Variants in TECR observed in about 807,000 individuals in gnomAD.
TECR encodes very-long-chain enoyl-CoA reductase.
Under a neutral mutation model 50.6 loss-of-function variants are expected in TECR, and 19 were observed. The observed-to-expected ratio is 0.38, with a 90% CI of 0.26 to 0.55. TECR has a LOEUF of 0.55. TECR is among the 20% of genes least tolerant of loss of function. TECR has a pLI of 0.79. For synonymous variants in TECR, 168 were observed against 163.5 expected (o/e 1.03, Z -0.21); for missense variants, 313 against 408.3 (o/e 0.77, Z 2.01).
chr19:14,565,519 CAGAA>C, intron 11 of TECR, 95 bp from the exon 12 acceptor site: 1 of 1,527,816 alleles, frequency 6.5e-7, no homozygotes, highest in South Asian at 1.2e-5. Flanking sequence ...ATCCCTGACT[CAGAA>C]AGCAGGGGCG....
chr19:14,537,202 G>A (rs1365358071), intron 1 of TECR, among the ~76,000 whole-genome samples: 1 of 130,594 alleles, frequency 7.7e-6, no homozygotes, highest in African/African-American at 2.9e-5. Flanking sequence ...GGGGGAGGAG[G>A]TGGGGCTCAG....
At chr19:14,529,912 A>C (rs2072558335) in intron 1 of TECR, 2 of 740,500 alleles carry the variant, frequency 2.7e-6, no homozygotes, top group South Asian at 3.5e-5. Context: ...TAAATCTGCA[A>C]CCCAGGCTGT....
At chr19:14,530,807 CTA>C (rs2072614671) in intron 1 of TECR, 1 of 152,194 alleles carries the variant, frequency 6.6e-6, no homozygotes, top group Admixed American at 6.6e-5. Context: ...ACCATCTTGA[CTA>C]TTTTTAAGTG....
chr19:14,556,115 T>A (rs2146614246), intron 1 of TECR, among the ~76,000 whole-genome samples: 1 of 152,202 alleles, frequency 6.6e-6, no homozygotes, highest in South Asian at 2.1e-4. Context: ...GACCGCCACA[T>A]CACCTTTCTG....
At chr19:14,553,330 CAGCACAGGTAGAAGACAGG>C (rs2073604884) in intron 1 of TECR, among the ~76,000 whole-genome samples, 1 of 152,148 alleles carries the variant, frequency 6.6e-6, no homozygotes, top group Non-Finnish European at 1.5e-5. Flanking sequence ...CTCGTCTTGC[CAGCACAGGTAGAAGACAGG>C]AGCAGAGCGG....
chr19:14,530,499 C>T (rs922218823), intron 1 of TECR: 1 of 152,140 alleles, frequency 6.6e-6, no homozygotes, highest in African/African-American at 2.4e-5. Context: ...TATTAAAATT[C>T]AAAATAACAA....
chr19:14,541,725 A>T (rs1200286552), intron 1 of TECR, among the ~76,000 whole-genome samples: 1 of 151,730 alleles, frequency 6.6e-6, no homozygotes, highest in African/African-American at 2.4e-5. Context: ...ACGTTGAGGG[A>T]TGAGGCTGAC....
chr19:14,534,742 G>C (rs1484491851), intron 1 of TECR, among the ~76,000 whole-genome samples: 2 of 152,038 alleles, frequency 1.3e-5, no homozygotes, highest in Non-Finnish European at 2.9e-5. Flanking sequence ...TTGCCCAGGG[G>C]TGAGTCTTAT....
chr19:14,563,280 C>T lies in TECR; in HGVS notation c.118+23C>T. Reference sequence around the variant, plus strand: ...CCCGTGAGTTCTAGTCCCGGCCACACTGCCCCTGCAACCCCTTTGACCAGG... The same window carrying T: ...CCCGTGAGTTCTAGTCCCGGCCACATTGCCCCTGCAACCCCTTTGACCAGG... On this transcript the variant is annotated intron_variant, in intron 3 of 12. Transcript: ENST00000215567. This position sits in a 1 kb window ranked among gnomAD's most constrained non-coding sequence, Gnocchi z 5.3. The T allele has an allele frequency of 6.3e-7, 1 of 1,598,026 alleles. No individual in the cohort carries two copies. Among genetic ancestry groups the T allele is most frequent in the South Asian group, 1.1e-5 (1 of 90,750 alleles).
intron 1 of TECR, among the ~76,000 whole-genome samples, chr19:14,547,661 A>AT (rs71166755): frequency 0.49 from 70,089 of 142,880 alleles, 16,869 homozygotes; most frequent in Non-Finnish European, 0.53. Flanking sequence ...TGTACCTAAT[A>AT]TTTTTTTTTT....
intron 1 of TECR, among the ~76,000 whole-genome samples, chr19:14,542,347 G>GTTTTGTTTTTTTTT (rs2073125931): frequency 2.3e-5 from 1 of 43,282 alleles, no homozygotes; most frequent in Non-Finnish European, 4.4e-5. Flanking sequence ...ATGCCATAGT[G>GTTTTGTTTTTTTTT]TTTTTTTTTT....
chr19:14,562,448 C>A, intron 1 of TECR, 77 bp from the exon 2 acceptor site: 1 of 1,569,060 alleles, frequency 6.4e-7, no homozygotes, highest in Non-Finnish European at 8.8e-7. Flanking sequence ...GGCCTCCTCC[C>A]TGGCCTCAAT....
chr19:14,541,205 T>G (rs559417844), intron 1 of TECR, among the ~76,000 whole-genome samples: 4 of 152,200 alleles, frequency 2.6e-5, no homozygotes, highest in African/African-American at 4.8e-5. Flanking sequence ...CTTGAACTCC[T>G]TGGTTCAAGT....
intron 1 of TECR, among the ~76,000 whole-genome samples, chr19:14,543,429 T>G: frequency 8.3e-5 from 1 of 12,022 alleles, no homozygotes; most frequent in Admixed American, 8.6e-4. Flanking sequence ...ATTTTTTTTT[T>G]TTTTTTTTTT....
intron 11 of TECR, 82 bp from the exon 12 acceptor site, chr19:14,565,536 G>C (rs1366674040): frequency 6.5e-7 from 1 of 1,549,486 alleles, no homozygotes; most frequent in African/African-American, 1.4e-5. Context: ...CAGGGGCGGC[G>C]GGAGGTGGCT....
intron 1 of TECR, chr19:14,529,988 C>T: frequency 1.8e-6 from 1 of 552,528 alleles, no homozygotes. Flanking sequence ...CTTGCAGCTC[C>T]CCCAGCGGGC....
chr19:14,544,720 A>C (rs575267303), intron 1 of TECR, among the ~76,000 whole-genome samples: 1 of 150,394 alleles, frequency 6.6e-6, no homozygotes, highest in Non-Finnish European at 1.5e-5. Context: ...TGCAACTCCA[A>C]CTCCTGGGTT....
intron 12 of TECR, 40 bp from the exon 13 acceptor site, chr19:14,565,704 G>A (rs372086411): frequency 4.8e-5 from 78 of 1,611,670 alleles, no homozygotes; most frequent in Non-Finnish European, 6.3e-5. Flanking sequence ...CTGCCCCTCC[G>A]GGCCGGCAGC....
chr19:14,540,942 C>A (rs1287094477), intron 1 of TECR, among the ~76,000 whole-genome samples: 1 of 152,036 alleles, frequency 6.6e-6, no homozygotes, highest in Non-Finnish European at 1.5e-5. Context: ...TCAAGCCATT[C>A]TTTTGCCTCA....
Sources: allele counts gnomAD v4.1 joint callset (sites outside exome capture counted in the v4.1 genomes callset), GRCh38; gene constraint gnomAD v4.1.1; non-coding constraint Gnocchi (gnomAD v3.1); transcripts MANE v1.5; gene names NCBI Gene and HGNC (gene_info 2026-07-23, HGNC 2026-07-21).